The following PDE4D variants were observed in gnomAD, a reference collection of about 807,000 sequenced individuals.
PDE4D encodes the protein phosphodiesterase 4D, also known as 3',5'-cyclic-AMP phosphodiesterase 4D.
In PDE4D, 24 loss-of-function variants were observed where a neutral mutation model predicts 87.4. The observed-to-expected ratio is 0.27, with a 90% CI of 0.20 to 0.39. The LOEUF (loss-of-function observed/expected upper bound fraction) is 0.39. Ranked by LOEUF, PDE4D falls within the 10% of genes least tolerant of loss-of-function variation. PDE4D has a pLI of 1.00. For synonymous variants in PDE4D, 384 were observed against 383.2 expected (o/e 1.00, Z -0.02); for missense variants, 714 against 1,041.0 (o/e 0.69, Z 4.32).
intron 1 of PDE4D, among the ~76,000 whole-genome samples, chr5:60,462,829 AG>A (rs754911377): frequency 6.6e-6 from 1 of 152,208 alleles, no homozygotes; most frequent in Non-Finnish European, 1.5e-5. Context: ...TTTCCTCATT[AG>A]AGAGTGTTTG....
At chr5:59,627,077 G>T (rs1224507784) in intron 1 of PDE4D, among the ~76,000 whole-genome samples, 1 of 152,054 alleles carries the variant, frequency 6.6e-6, no homozygotes, top group African/African-American at 2.4e-5. Flanking sequence ...CCTAATGAAG[G>T]GTCTACTCTA....
intron 1 of PDE4D, chr5:60,522,011 G>C (rs187037567): frequency 1.3e-5 from 2 of 151,786 alleles, no homozygotes; most frequent in South Asian, 2.1e-4. Context: ...GGCAAGCTTC[G>C]GGGGCAAGGG....
At chr5:60,317,233 G>A (rs1475737302) in intron 1 of PDE4D, among the ~76,000 whole-genome samples, 1 of 152,116 alleles carries the variant, frequency 6.6e-6, no homozygotes, top group Non-Finnish European at 1.5e-5. Flanking sequence ...TATTTGTCCA[G>A]GACTTGATCC....
At chr5:60,343,293 C>A (rs1295484178) in intron 1 of PDE4D, among the ~76,000 whole-genome samples, 1 of 152,130 alleles carries the variant, frequency 6.6e-6, no homozygotes, top group Non-Finnish European at 1.5e-5. Context: ...AACACCCCTG[C>A]CTCACCAAAC....
chr5:60,082,571 A>C (rs1044028295), intron 2 of PDE4D, among the ~76,000 whole-genome samples: 1 of 152,056 alleles, frequency 6.6e-6, no homozygotes, highest in African/African-American at 2.4e-5. Context: ...AGGTGATCTG[A>C]TCCATTACAT....
chr5:59,393,098 T>G (rs1308546835), intron 1 of PDE4D, among the ~76,000 whole-genome samples: 1 of 152,132 alleles, frequency 6.6e-6, no homozygotes, highest in Non-Finnish European at 1.5e-5. Flanking sequence ...TAGGAAAATG[T>G]TAATTTCTGA....
At chr5:59,021,268 G>A (rs571508902) in intron 6 of PDE4D, among the ~76,000 whole-genome samples, 45 of 152,274 alleles carry the variant, frequency 3.0e-4, no homozygotes, top group African/African-American at 1.1e-3. Context: ...TAGTGAGAGT[G>A]TAAATAAAAA....
At chr5:60,135,119 G>A (rs1164048006) in intron 2 of PDE4D, among the ~76,000 whole-genome samples, 1 of 152,098 alleles carries the variant, frequency 6.6e-6, no homozygotes, top group Non-Finnish European at 1.5e-5. Context: ...TTTTGAGATG[G>A]GGCACTTGAG....
intron 2 of PDE4D, among the ~76,000 whole-genome samples, chr5:60,138,636 G>A (rs1202471938): frequency 2.6e-5 from 4 of 151,910 alleles, no homozygotes; most frequent in African/African-American, 4.8e-5. Flanking sequence ...AATTATATAC[G>A]TTCTCACTGA....
At chr5:59,344,361 G>T (rs1268107607) in intron 1 of PDE4D, among the ~76,000 whole-genome samples, 1 of 152,138 alleles carries the variant, frequency 6.6e-6, no homozygotes. Flanking sequence ...TTTAGCACAA[G>T]CTTCATGATA....
chr5:59,144,612 G>T (rs1251673503), intron 5 of PDE4D, among the ~76,000 whole-genome samples: 1 of 152,148 alleles, frequency 6.6e-6, no homozygotes, highest in Non-Finnish European at 1.5e-5. Context: ...TGTTTCTTAA[G>T]CAAGTATTTG....
At chr5:59,927,848 T>A (rs1307500565) in intron 3 of PDE4D, among the ~76,000 whole-genome samples, 1 of 152,262 alleles carries the variant, frequency 6.6e-6, no homozygotes, top group Non-Finnish European at 1.5e-5. Context: ...AGTTGTTCAC[T>A]ACTTGAATAT....
chr5:60,035,250 C>T (rs907510456), intron 2 of PDE4D, among the ~76,000 whole-genome samples: 10 of 119,790 alleles, frequency 8.3e-5, no homozygotes, highest in East Asian at 6.6e-4. Context: ...AGCGAGACTC[C>T]GTCTCAAAAA....
At chr5:60,091,869 G>A (rs1467605795) in intron 2 of PDE4D, among the ~76,000 whole-genome samples, 6 of 151,760 alleles carry the variant, frequency 4.0e-5, no homozygotes, top group South Asian at 4.2e-4. Context: ...TGGCTGACAC[G>A]GTGAAACCCC....
At chr5:59,454,334 G>C (rs1235758791) in intron 1 of PDE4D, among the ~76,000 whole-genome samples, 3 of 152,152 alleles carry the variant, frequency 2.0e-5, no homozygotes, top group Non-Finnish European at 2.9e-5. Context: ...ATTGAATTAT[G>C]GGGGACAGGT....
chr5:59,318,909 TTTGGAAAATTCTTTTATCTTAATAAA>T (rs1561947446), intron 1 of PDE4D, among the ~76,000 whole-genome samples: 1 of 152,118 alleles, frequency 6.6e-6, no homozygotes, highest in Non-Finnish European at 1.5e-5. Flanking sequence ...TAAACAACGA[TTTGGAAAATTCTTTTATCTTAATAAA>T]AAAAAGACCA....
chr5:59,135,210 A>G (rs1006938300), intron 5 of PDE4D, among the ~76,000 whole-genome samples: 1 of 152,192 alleles, frequency 6.6e-6, no homozygotes, highest in African/African-American at 2.4e-5. Flanking sequence ...TGTGGTAATC[A>G]TCCAACTACA....
At chr5:60,124,093 G>T (rs908430773) in intron 2 of PDE4D, among the ~76,000 whole-genome samples, 4 of 152,060 alleles carry the variant, frequency 2.6e-5, no homozygotes, top group African/African-American at 7.2e-5. Flanking sequence ...CTTATATAAA[G>T]AAACTATTGG....
intron 3 of PDE4D, among the ~76,000 whole-genome samples, chr5:59,901,474 T>C (rs1205177063): frequency 6.6e-6 from 1 of 152,120 alleles, no homozygotes; most frequent in Non-Finnish European, 1.5e-5. Context: ...GGAACTTCTA[T>C]TCAAGAGTGA....
Sources: gnomAD v4.1 joint callset for allele counts (sites outside exome capture counted in the v4.1 genomes callset) on GRCh38, gnomAD v4.1.1 for gene constraint, MANE v1.5 for transcripts, NCBI Gene and HGNC (gene_info 2026-07-23, HGNC 2026-07-21) for gene names.